SERINC5: variants seen among roughly 807,000 people sequenced by gnomAD.
SERINC5 encodes the protein chromosome 5 open reading frame 12.
SERINC5 carries 41 observed loss-of-function variants against 63.1 expected under a neutral mutation model. The observed-to-expected ratio is 0.65, with a 90% CI of 0.51 to 0.84. The LOEUF (loss-of-function observed/expected upper bound fraction) is 0.84, where lower values mean the gene tolerates loss of function less well. Ranked by LOEUF, SERINC5 falls within the 40% of genes least tolerant of loss-of-function variation. The pLI is 0.00. For missense variants in SERINC5, 523 were observed against 573.0 expected, an observed-to-expected ratio of 0.91 and a Z score of 0.89; for synonymous variants, 222 against 215.2, an observed-to-expected ratio of 1.03 and a Z score of -0.28.
intron 1 of SERINC5, among the ~76,000 whole-genome samples, chr5:80,244,699 G>A (rs1045531303): frequency 8.5e-5 from 13 of 152,144 alleles, no homozygotes; most frequent in East Asian, 7.8e-4. Context: ...GCATGCGCCC[G>A]TAATCCCAGC....
At chr5:80,156,631 G>T (rs887349156) in intron 8 of SERINC5, among the ~76,000 whole-genome samples, 3 of 152,108 alleles carry the variant, frequency 2.0e-5, no homozygotes, top group African/African-American at 7.2e-5. Context: ...TGTGGTTTAC[G>T]AATTCAATAA....
chr5:80,205,975 CAAAA>C (rs368524252), intron 1 of SERINC5, among the ~76,000 whole-genome samples: 1 of 74,322 alleles, frequency 1.3e-5, no homozygotes, highest in African/African-American at 4.9e-5. Context: ...TGGTGGTGCA[CAAAA>C]AAAAAAAAAA....
At chr5:80,114,689 A>T (rs1420939547) in intron 11 of SERINC5, 2 of 150,806 alleles carry the variant, frequency 1.3e-5, no homozygotes, top group Admixed American at 1.3e-4. Flanking sequence ...ATCTTGTGAG[A>T]ACTCCCTCAC....
chr5:80,234,738 CT>C (rs1190476653), intron 1 of SERINC5, among the ~76,000 whole-genome samples: 1 of 152,104 alleles, frequency 6.6e-6, no homozygotes, highest in African/African-American at 2.4e-5. Flanking sequence ...ATCTTTAAAA[CT>C]CTCAGAATTA....
chr5:80,183,893 C>T (rs947491661), intron 2 of SERINC5, among the ~76,000 whole-genome samples: 3 of 151,186 alleles, frequency 2.0e-5, no homozygotes, highest in African/African-American at 7.4e-5. Context: ...CACACCGACG[C>T]GCATGAAAGG....
intron 11 of SERINC5, among the ~76,000 whole-genome samples, chr5:80,144,487 T>C (rs890057177): frequency 6.6e-6 from 1 of 152,230 alleles, no homozygotes; most frequent in Non-Finnish European, 1.5e-5. Flanking sequence ...GGGTTCCAAT[T>C]TCTCCACTTC....
At chr5:80,175,601 G>T (rs892433997) in intron 4 of SERINC5, among the ~76,000 whole-genome samples, 1 of 152,114 alleles carries the variant, frequency 6.6e-6, no homozygotes, top group African/African-American at 2.4e-5. Flanking sequence ...GGGCACAGTG[G>T]CTCATGCCTG....
chr5:80,197,520 G>A (rs901965167), intron 2 of SERINC5, among the ~76,000 whole-genome samples: 4 of 152,090 alleles, frequency 2.6e-5, no homozygotes, highest in African/African-American at 9.7e-5. Flanking sequence ...AATGTGGAAT[G>A]AAGGAAACAG....
At chr5:80,253,805 C>T (rs1044419285) in intron 1 of SERINC5, among the ~76,000 whole-genome samples, 2 of 152,178 alleles carry the variant, frequency 1.3e-5, no homozygotes, top group Non-Finnish European at 2.9e-5. Context: ...CCCAGATAGG[C>T]CATTGAGAGC....
chr5:80,131,411 G>T (rs1744944568), intron 11 of SERINC5, among the ~76,000 whole-genome samples: 1 of 152,312 alleles, frequency 6.6e-6, no homozygotes, highest in African/African-American at 2.4e-5. Context: ...CCAGTCTTGG[G>T]TATGTCTTTA....
chr5:80,188,503 C>T (rs1043719081), intron 2 of SERINC5, among the ~76,000 whole-genome samples: 1 of 151,984 alleles, frequency 6.6e-6, no homozygotes, highest in East Asian at 1.9e-4. Flanking sequence ...TTTCTAGACC[C>T]TTTGCTGTGC....
chr5:80,213,024 C>G (rs1750505755), intron 1 of SERINC5, among the ~76,000 whole-genome samples: 1 of 152,074 alleles, frequency 6.6e-6, no homozygotes, highest in African/African-American at 2.4e-5. Context: ...GCAGGTAGAC[C>G]ACTCAAGGTC....
At chr5:80,233,604 T>C (rs1430556263) in intron 1 of SERINC5, among the ~76,000 whole-genome samples, 1 of 152,036 alleles carries the variant, frequency 6.6e-6, no homozygotes, top group South Asian at 2.1e-4. Flanking sequence ...ACTAGGACTT[T>C]TTTTTTGAAC....
chr5:80,189,253 G>A (rs1749032691), intron 2 of SERINC5, among the ~76,000 whole-genome samples: 1 of 152,150 alleles, frequency 6.6e-6, no homozygotes, highest in Non-Finnish European at 1.5e-5. Context: ...GGAGGTGCCG[G>A]CAAGAGAGGC....
chr5:80,130,650 T>G (rs1045229031), intron 11 of SERINC5, among the ~76,000 whole-genome samples: 3 of 152,228 alleles, frequency 2.0e-5, no homozygotes, highest in Admixed American at 2.0e-4. Context: ...TATCACCCTT[T>G]CCTATGTCCC....
intron 2 of SERINC5, among the ~76,000 whole-genome samples, chr5:80,184,097 G>A (rs75746021): frequency 0.032 from 4,801 of 152,282 alleles, 256 homozygotes; most frequent in African/African-American, 0.1. Context: ...ACACCTGTAT[G>A]AGTAGTGCCA....
At chr5:80,216,519 A>G (rs572187717) in intron 1 of SERINC5, among the ~76,000 whole-genome samples, 2 of 152,318 alleles carry the variant, frequency 1.3e-5, no homozygotes, top group Admixed American at 1.3e-4. Flanking sequence ...ACTGAGGAAA[A>G]AACAAGAGCT....
intron 1 of SERINC5, among the ~76,000 whole-genome samples, chr5:80,252,343 A>G (rs1752467057): frequency 6.6e-6 from 1 of 152,122 alleles, no homozygotes; most frequent in Non-Finnish European, 1.5e-5. Flanking sequence ...TACAGGCAAG[A>G]GCCACCATGC....
intron 11 of SERINC5, among the ~76,000 whole-genome samples, chr5:80,131,761 C>T (rs1156388343): frequency 1.3e-5 from 2 of 152,202 alleles, no homozygotes; most frequent in Admixed American, 1.3e-4. Context: ...TCACACCTCA[C>T]ATAGTCTTTT....
Sources: allele counts gnomAD v4.1 joint callset (sites outside exome capture counted in the v4.1 genomes callset), GRCh38; gene constraint gnomAD v4.1.1; transcripts MANE v1.5; gene names NCBI Gene and HGNC (gene_info 2026-07-23, HGNC 2026-07-21).